KCNJ6: variants seen among roughly 807,000 people sequenced by gnomAD.
KCNJ6 encodes G protein-activated inward rectifier potassium channel 2.
KCNJ6 carries 9 observed loss-of-function variants against 34.2 expected under a neutral mutation model. The ratio of observed to expected loss-of-function variants is 0.26; its 90% CI spans 0.16 to 0.46. The LOEUF is 0.46. Ranked by LOEUF, KCNJ6 falls within the 20% of genes least tolerant of loss-of-function variation. The pLI is 1.00. For missense variants in KCNJ6, 236 were observed against 531.3 expected (o/e 0.44, Z 5.46); for synonymous variants, 196 against 207.1 (o/e 0.95, Z 0.46).
In KCNJ6 at chr21:37,635,841, A is replaced by C. The variant is rs372065159; in HGVS notation, c.947-10357T>G. Among the ~76,000 whole-genome samples the C allele has an allele frequency of 1.2e-4, 18 of 152,366 alleles. No individual in the cohort carries two copies. In the East Asian group the frequency reaches 3.3e-3, roughly 28 times the overall value. ...TAAATTACAAGTGTTTTATTATCAC[A>C]TTTTATAACAATATGTGAGGTACAT... On this transcript the variant is annotated intron_variant, in intron 3 of 3. Coordinates refer to ENST00000609713, the MANE Select transcript of KCNJ6 (RefSeq NM_002240.5).
At chr21:37,716,608 C>T (rs547273516) in intron 2 of KCNJ6, among the ~76,000 whole-genome samples, 1 of 152,094 alleles carries the variant, frequency 6.6e-6, no homozygotes, top group African/African-American at 2.4e-5. Flanking sequence ...GTCTTGAACT[C>T]CTGGTCTCAA....
At chr21:37,804,242 A>G (rs2055282989) in intron 2 of KCNJ6, among the ~76,000 whole-genome samples, 1 of 152,160 alleles carries the variant, frequency 6.6e-6, no homozygotes, top group South Asian at 2.1e-4. Context: ...GTAGGATTGT[A>G]AAATGGTGCA....
intron 3 of KCNJ6, among the ~76,000 whole-genome samples, chr21:37,671,562 C>T (rs1435732112): frequency 3.3e-5 from 5 of 152,228 alleles, no homozygotes; most frequent in African/African-American, 9.6e-5. Flanking sequence ...GATGGGGTTG[C>T]GGGAACTCCC....
rs2054287948 is a variant in KCNJ6 at position 37,620,874 on chromosome 21, C to T, written c.*4285G>A. ...TAGCAGCCTTCTGACAGAATTTTGACTTCTAGATGACACTCTGCATCTAAA... is the reference window on the plus strand; with the variant it reads ...TAGCAGCCTTCTGACAGAATTTTGATTTCTAGATGACACTCTGCATCTAAA... On this transcript the variant is annotated 3_prime_UTR_variant, in exon 4 of 4. Transcript: ENST00000609713. 1.3e-5 allele frequency: 2 copies of T among 152,172 alleles called. No individual in the cohort carries two copies. Among genetic ancestry groups the T allele is most frequent in the Admixed American group, 1.3e-4 (2 of 15,256 alleles). 9.4% of individuals were successfully genotyped at this position (152,172 alleles called of 1,614,324 possible). A position where few individuals can be genotyped will look rare whatever the true frequency, so the allele number is the denominator to read the frequency against.
In KCNJ6 at chr21:37,829,375, T is replaced by C. The variant is rs193035045; in HGVS notation, c.25+11283A>G. On this transcript the variant is annotated intron_variant, in intron 2 of 3. Coordinates refer to ENST00000609713, the MANE Select transcript of KCNJ6 (RefSeq NM_002240.5). Reference sequence around the variant, plus strand: ...GGGCTGGAGCAAAGGCAAGTGGGGGTAGGTGCCTTTCATGTTCCCTCTGGG... The same window carrying C: ...GGGCTGGAGCAAAGGCAAGTGGGGGCAGGTGCCTTTCATGTTCCCTCTGGG... Among the ~76,000 whole-genome samples the C allele has an allele frequency of 1.1e-4, 16 of 152,202 alleles. No individual in the cohort carries two copies. The East Asian group carries it at 2.9e-3, about 28-fold the overall frequency.
At chr21:37,720,390 G>A (rs895714387) in intron 2 of KCNJ6, among the ~76,000 whole-genome samples, 2 of 152,088 alleles carry the variant, frequency 1.3e-5, no homozygotes, top group African/African-American at 2.4e-5. Context: ...CCTTATTGGG[G>A]GTATGAATTA....
chr21:37,845,502 G>A (rs1453087612), intron 1 of KCNJ6, among the ~76,000 whole-genome samples: 2 of 152,160 alleles, frequency 1.3e-5, no homozygotes, highest in Non-Finnish European at 2.9e-5. Flanking sequence ...AATCTTGGAA[G>A]CTCTAATTTT....
intron 2 of KCNJ6, among the ~76,000 whole-genome samples, chr21:37,781,986 TG>T (rs769732138): frequency 2.6e-5 from 4 of 152,350 alleles, no homozygotes; most frequent in Admixed American, 6.5e-5. Context: ...AAAGGGACGT[TG>T]CAGATGTGAT....
At chr21:37,824,151 A>C (rs1384777528) in intron 2 of KCNJ6, among the ~76,000 whole-genome samples, 1 of 152,228 alleles carries the variant, frequency 6.6e-6, no homozygotes, top group Non-Finnish European at 1.5e-5. Flanking sequence ...CTTGACACAA[A>C]AAATGCATAT....
At chr21:37,734,758 G>A (rs1003694645) in intron 2 of KCNJ6, among the ~76,000 whole-genome samples, 7 of 152,104 alleles carry the variant, frequency 4.6e-5, no homozygotes, top group Non-Finnish European at 8.8e-5. Context: ...TTTGGGAAAG[G>A]TTGCCCACTC....
intron 3 of KCNJ6, among the ~76,000 whole-genome samples, chr21:37,682,310 C>T (rs1010647068): frequency 2.0e-5 from 3 of 152,188 alleles, no homozygotes; most frequent in Admixed American, 6.5e-5. Context: ...AGTGTTAGCA[C>T]GTAGGCTGGT....
chr21:37,868,306 T>C (rs1287777220), intron 1 of KCNJ6, among the ~76,000 whole-genome samples: 2 of 152,180 alleles, frequency 1.3e-5, no homozygotes, highest in Non-Finnish European at 2.9e-5. Flanking sequence ...ATTACAGAGA[T>C]TTGTACTGTC....
At chr21:37,752,370 A>AGCTCTGCCCAGTAGATTTCTATAC (rs1405064486) in intron 2 of KCNJ6, among the ~76,000 whole-genome samples, 1 of 152,152 alleles carries the variant, frequency 6.6e-6, no homozygotes, top group African/African-American at 2.4e-5. Flanking sequence ...TCTGACATGA[A>AGCTCTGCCCAGTAGATTTCTATAC]GCTCTGCCCA....
chr21:37,741,261 T>C (rs2054940059), intron 2 of KCNJ6, among the ~76,000 whole-genome samples: 1 of 151,790 alleles, frequency 6.6e-6, no homozygotes, highest in Non-Finnish European at 1.5e-5. Flanking sequence ...CCCTGAAGAG[T>C]CCCCCCACAC....
intron 2 of KCNJ6, among the ~76,000 whole-genome samples, chr21:37,753,709 C>T (rs2055008880): frequency 6.6e-6 from 1 of 152,214 alleles, no homozygotes; most frequent in Non-Finnish European, 1.5e-5. Flanking sequence ...GTGCCTGTTA[C>T]CTGCAGATCG....
chr21:37,778,890 C>T (rs563022684), intron 2 of KCNJ6, among the ~76,000 whole-genome samples: 11 of 151,974 alleles, frequency 7.2e-5, no homozygotes, highest in East Asian at 5.8e-4. Context: ...GCCATCCACA[C>T]GCAGCCCTTT....
Position 37,794,444 on chromosome 21 carries a change from T to C in KCNJ6, c.25+46214A>G, listed in dbSNP as rs145849181. 1.8e-3 allele frequency among the ~76,000 whole-genome samples: 267 copies of C among 152,272 alleles called. 1 individual carries two copies. Among genetic ancestry groups the C allele is most frequent in the African/African-American group, 6.2e-3 (257 of 41,546 alleles). ...AGGTTGTTATGTGAATTAGGTAAAA[T>C]AAGGTATATGAAGTGCTTAAACCAA... On this transcript the variant is annotated intron_variant, in intron 2 of 3. Transcript: ENST00000609713.
intron 3 of KCNJ6, among the ~76,000 whole-genome samples, chr21:37,688,950 T>C (rs1011539313): frequency 2.0e-5 from 3 of 152,210 alleles, no homozygotes; most frequent in Non-Finnish European, 4.4e-5. Flanking sequence ...TCTATTGTAG[T>C]AGAGATACAT....
At chr21:37,810,877 C>G (rs2055319361) in intron 2 of KCNJ6, among the ~76,000 whole-genome samples, 1 of 152,108 alleles carries the variant, frequency 6.6e-6, no homozygotes, top group African/African-American at 2.4e-5. Context: ...AATATTTGGT[C>G]TTTGACTATA....
Sources: gnomAD v4.1 joint callset for allele counts (sites outside exome capture counted in the v4.1 genomes callset) on GRCh38, gnomAD v4.1.1 for gene constraint, MANE v1.5 for transcripts, NCBI Gene and HGNC (gene_info 2026-07-23, HGNC 2026-07-21) for gene names.